The following NCALD variants were observed in gnomAD, a reference collection of about 807,000 sequenced individuals.
The protein encoded by NCALD is neurocalcin-delta.
In NCALD, 10 loss-of-function variants were observed where a neutral mutation model predicts 18.6. The observed-to-expected ratio is 0.54, with a 90% CI of 0.33 to 0.91. The LOEUF is 0.91. NCALD is among the 40% of genes least tolerant of loss of function. The pLI, the probability that NCALD is intolerant of heterozygous loss-of-function variation, is 0.03. For missense variants in NCALD, 184 were observed against 247.6 expected (o/e 0.74, Z 1.72); for synonymous variants, 88 against 87.4 (o/e 1.01, Z -0.04).
intron 1 of NCALD, among the ~76,000 whole-genome samples, chr8:101,744,505 C>G (rs1298174198): frequency 1.3e-5 from 2 of 152,204 alleles, no homozygotes; most frequent in African/African-American, 4.8e-5. Flanking sequence ...GCTGGCAGAT[C>G]TTAAAATGAG....
At chr8:101,863,306 C>T (rs1815621872) in intron 4 of NCALD, among the ~76,000 whole-genome samples, 1 of 152,236 alleles carries the variant, frequency 6.6e-6, no homozygotes, top group African/African-American at 2.4e-5. Flanking sequence ...TTTACCCACT[C>T]AATCCGGATC....
chr8:101,718,606 G>C (rs541798352), intron 2 of NCALD, among the ~76,000 whole-genome samples: 2 of 152,154 alleles, frequency 1.3e-5, no homozygotes, highest in South Asian at 2.1e-4. Flanking sequence ...CAGCCAGGAC[G>C]ACTGGGCAAA....
At chr8:101,851,912 C>T (rs535631199) in intron 4 of NCALD, among the ~76,000 whole-genome samples, 1 of 152,262 alleles carries the variant, frequency 6.6e-6, no homozygotes, top group Admixed American at 6.5e-5. Flanking sequence ...GTGATTAAGT[C>T]ATGAGGGCTC....
At chr8:102,115,136 T>C (rs1825746084) in intron 1 of NCALD, among the ~76,000 whole-genome samples, 1 of 152,260 alleles carries the variant, frequency 6.6e-6, no homozygotes, top group Non-Finnish European at 1.5e-5. Flanking sequence ...CCCCACAAAC[T>C]GTGTAGTTGG....
intron 2 of NCALD, among the ~76,000 whole-genome samples, chr8:101,716,727 A>C (rs533294271): frequency 6.6e-6 from 1 of 152,354 alleles, no homozygotes; most frequent in African/African-American, 2.4e-5. Flanking sequence ...AACTTTGCAG[A>C]CGTGATTACA....
chr8:101,727,964 T>C (rs1247356980), intron 1 of NCALD, among the ~76,000 whole-genome samples: 1 of 152,242 alleles, frequency 6.6e-6, no homozygotes, highest in Non-Finnish European at 1.5e-5. Flanking sequence ...AAGGGGAATG[T>C]GAAATCTCTC....
chr8:101,714,597 C>T (rs2130371256), intron 2 of NCALD, among the ~76,000 whole-genome samples: 1 of 152,340 alleles, frequency 6.6e-6, no homozygotes, highest in South Asian at 2.1e-4. Context: ...ATGCTCTTCA[C>T]ATCAAGCTAC....
At chr8:102,004,327 G>A (rs1479977493) in intron 2 of NCALD, among the ~76,000 whole-genome samples, 16 of 152,290 alleles carry the variant, frequency 1.1e-4, no homozygotes, top group African/African-American at 3.4e-4. Flanking sequence ...TACAAGGGAT[G>A]TGAAGGACCT....
At chr8:101,691,451 A>C (rs1355700819) in intron 3 of NCALD, 2 of 985,224 alleles carry the variant, frequency 2.0e-6, no homozygotes, top group African/African-American at 1.7e-5. Context: ...TTAGGGCTTT[A>C]GGGCTTTATC....
intron 2 of NCALD, among the ~76,000 whole-genome samples, chr8:101,704,946 C>T (rs551248549): frequency 6.6e-6 from 1 of 151,308 alleles, no homozygotes; most frequent in East Asian, 2.0e-4. Flanking sequence ...AAAAAATAGG[C>T]CGGGCGCGGT....
At chr8:102,116,738 G>A (rs944245463) in intron 1 of NCALD, among the ~76,000 whole-genome samples, 36 of 152,066 alleles carry the variant, frequency 2.4e-4, no homozygotes, top group African/African-American at 7.7e-4. Flanking sequence ...GAACTCCTGG[G>A]CTCAAGCAAT....
chr8:101,766,453 A>G (rs1811350849), intron 1 of NCALD, among the ~76,000 whole-genome samples: 1 of 152,218 alleles, frequency 6.6e-6, no homozygotes, highest in Non-Finnish European at 1.5e-5. Context: ...TTTTTCTTAT[A>G]TATGATACAT....
intron 1 of NCALD, among the ~76,000 whole-genome samples, chr8:102,064,822 G>A (rs1467275785): frequency 3.3e-5 from 5 of 151,922 alleles, no homozygotes; most frequent in East Asian, 3.9e-4. Context: ...TGTTATCAGC[G>A]GGAAGCACCC....
intron 4 of NCALD, among the ~76,000 whole-genome samples, chr8:101,853,853 C>T (rs776384501): frequency 2.7e-4 from 41 of 152,068 alleles, no homozygotes; most frequent in Non-Finnish European, 5.0e-4. Flanking sequence ...TTTCCATTTA[C>T]TCTCCTTTCC....
At chr8:101,871,583 C>CTTTTTTT (rs3056946) in intron 4 of NCALD, among the ~76,000 whole-genome samples, 2,915 of 138,688 alleles carry the variant, frequency 0.021, 118 homozygotes, top group African/African-American at 0.072. Flanking sequence ...TTCAGATTTT[C>CTTTTTTT]TTTTTTTTTT....
chr8:102,103,735 T>A (rs563438233), intron 1 of NCALD, among the ~76,000 whole-genome samples: 3 of 152,208 alleles, frequency 2.0e-5, no homozygotes, highest in Admixed American at 2.0e-4. Flanking sequence ...TTGTTTGCAA[T>A]TGAAAAACCT....
intron 2 of NCALD, among the ~76,000 whole-genome samples, chr8:102,003,094 G>T (rs1821542518): frequency 6.6e-6 from 1 of 152,090 alleles, no homozygotes; most frequent in Admixed American, 6.5e-5. Flanking sequence ...TCCAGGAGCT[G>T]GTTTCTTGAA....
At chr8:101,773,018 T>A (rs190874925) in intron 1 of NCALD, among the ~76,000 whole-genome samples, 168 of 152,322 alleles carry the variant, frequency 1.1e-3, no homozygotes, top group African/African-American at 3.6e-3. Context: ...ATTTTTTACT[T>A]CTGTTTTCCA....
intron 1 of NCALD, among the ~76,000 whole-genome samples, chr8:101,736,002 T>C (rs9297310): frequency 0.61 from 92,370 of 152,012 alleles, 29,243 homozygotes; most frequent in East Asian, 0.77. Flanking sequence ...TTCCTCTTCC[T>C]CCTTGTGCCC....
Sources: gnomAD v4.1 joint callset for allele counts (sites outside exome capture counted in the v4.1 genomes callset) on GRCh38, gnomAD v4.1.1 for gene constraint, MANE v1.5 for transcripts, NCBI Gene and HGNC (gene_info 2026-07-23, HGNC 2026-07-21) for gene names.